The following DGKB variants were observed in gnomAD, a reference collection of about 807,000 sequenced individuals.
DGKB encodes diacylglycerol kinase beta.
DGKB carries 67 observed loss-of-function variants against 114.3 expected under a neutral mutation model. The observed-to-expected ratio is 0.59, with a 90% confidence interval of 0.48 to 0.72. The LOEUF (loss-of-function observed/expected upper bound fraction) is 0.72, where lower values mean the gene tolerates loss of function less well. DGKB is among the 30% of genes least tolerant of loss of function. The pLI, the probability that DGKB is intolerant of heterozygous loss-of-function variation, is 0.00. For synonymous variants in DGKB, 398 were observed against 323.1 expected (o/e 1.23, Z -2.49); for missense variants, 907 against 975.2 (o/e 0.93, Z 0.93).
chr7:14,487,283 A>C (rs1362253770), intron 20 of DGKB, among the ~76,000 whole-genome samples: 2 of 152,182 alleles, frequency 1.3e-5, no homozygotes, highest in African/African-American at 4.8e-5. Flanking sequence ...GCTTGATTTT[A>C]ATTTTCATGT....
At chr7:14,306,604 A>AAAT (rs1169234219) in intron 23 of DGKB, among the ~76,000 whole-genome samples, 1 of 151,984 alleles carries the variant, frequency 6.6e-6, no homozygotes, top group African/African-American at 2.4e-5. Context: ...TAGATAATTG[A>AAAT]AATAAAGTGT....
intron 21 of DGKB, among the ~76,000 whole-genome samples, chr7:14,405,116 A>G (rs188291021): frequency 1.5e-4 from 1 of 6,880 alleles, no homozygotes; most frequent in African/African-American, 3.6e-4. Context: ...CACATTTCAA[A>G]TTATTCTGCC....
At chr7:14,396,144 G>T (rs975295608) in intron 21 of DGKB, among the ~76,000 whole-genome samples, 1 of 151,864 alleles carries the variant, frequency 6.6e-6, no homozygotes, top group African/African-American at 2.4e-5. Context: ...TTATAGGTTA[G>T]GAATTAATAT....
chr7:14,876,106 G>A (rs761491452), intron 1 of DGKB, among the ~76,000 whole-genome samples: 1 of 152,140 alleles, frequency 6.6e-6, no homozygotes, highest in African/African-American at 2.4e-5. Context: ...CTAAAACAGG[G>A]CGGAGTGGAA....
intron 19 of DGKB, among the ~76,000 whole-genome samples, chr7:14,577,066 GATC>G (rs1193434400): frequency 6.6e-6 from 1 of 151,970 alleles, no homozygotes; most frequent in African/African-American, 2.4e-5. Flanking sequence ...TACCCAAGAA[GATC>G]ATGATTTTAA....
intron 1 of DGKB, among the ~76,000 whole-genome samples, chr7:14,857,258 T>TTGTGTGTGTGTGTGTGTG (rs140695633): frequency 0.076 from 10,463 of 138,264 alleles, 1,166 homozygotes; most frequent in African/African-American, 0.24. Flanking sequence ...CTGTGTGTGT[T>TTGTGTGTGTGTGTGTGTG]TGTGTGTGTG....
intron 1 of DGKB, among the ~76,000 whole-genome samples, chr7:14,895,300 T>C (rs1351105710): frequency 1.3e-5 from 2 of 151,534 alleles, no homozygotes; most frequent in Non-Finnish European, 3.0e-5. Context: ...GTCTTAAAAA[T>C]TGCTTCAGGT....
chr7:14,259,761 G>A (rs38283), intron 23 of DGKB, among the ~76,000 whole-genome samples: 67,594 of 149,052 alleles, frequency 0.45, 17,239 homozygotes, highest in East Asian at 0.94. Context: ...TTGTCATTGC[G>A]TTTGCCTTGT....
At chr7:14,681,449 G>C (rs1212939577) in intron 12 of DGKB, among the ~76,000 whole-genome samples, 2 of 151,854 alleles carry the variant, frequency 1.3e-5, no homozygotes, top group African/African-American at 4.8e-5. Context: ...GTGTGTATGT[G>C]TGTGTGTGAG....
At chr7:14,488,142 T>C (rs562627251) in intron 20 of DGKB, among the ~76,000 whole-genome samples, 53 of 152,154 alleles carry the variant, frequency 3.5e-4, no homozygotes, top group African/African-American at 1.3e-3. Context: ...TTCTCTAGGT[T>C]ACAAATATTT....
chr7:14,443,212 G>T (rs1830304444), intron 21 of DGKB, among the ~76,000 whole-genome samples: 1 of 151,824 alleles, frequency 6.6e-6, no homozygotes, highest in Non-Finnish European at 1.5e-5. Context: ...CCTTTTACCG[G>T]TTTGGAAGAA....
intron 23 of DGKB, among the ~76,000 whole-genome samples, chr7:14,333,679 A>G (rs1375138745): frequency 6.6e-6 from 1 of 152,164 alleles, no homozygotes; most frequent in Non-Finnish European, 1.5e-5. Context: ...CACTACCAAA[A>G]ACTGGAATAG....
At chr7:14,279,707 C>A (rs1199805680) in intron 23 of DGKB, among the ~76,000 whole-genome samples, 1 of 151,962 alleles carries the variant, frequency 6.6e-6, no homozygotes, top group African/African-American at 2.4e-5. Context: ...CACCCCTGAC[C>A]CCCGAGCAGC....
At chr7:14,859,321 T>C (rs1287861513) in intron 1 of DGKB, among the ~76,000 whole-genome samples, 1 of 152,110 alleles carries the variant, frequency 6.6e-6, no homozygotes, top group Non-Finnish European at 1.5e-5. Flanking sequence ...GAGGCTCCTT[T>C]GTCAGTCTCA....
At chr7:14,162,657 A>G (rs1418660854) in intron 25 of DGKB, among the ~76,000 whole-genome samples, 1 of 152,242 alleles carries the variant, frequency 6.6e-6, no homozygotes, top group Non-Finnish European at 1.5e-5. Flanking sequence ...AGGTTTCAAA[A>G]TAAAGAATAA....
intron 8 of DGKB, among the ~76,000 whole-genome samples, chr7:14,697,661 A>T (rs981737370): frequency 6.6e-6 from 1 of 151,408 alleles, no homozygotes; most frequent in Non-Finnish European, 1.5e-5. Flanking sequence ...CAAGAGAAAA[A>T]AAAAGAAAAA....
intron 10 of DGKB, among the ~76,000 whole-genome samples, 166 bp downstream of exon 10, chr7:14,685,079 T>C (rs1374478295): frequency 1.3e-5 from 2 of 152,088 alleles, no homozygotes; most frequent in African/African-American, 2.4e-5. Flanking sequence ...CTGAAGAAAT[T>C]AGAGTAACCT....
At chr7:14,666,579 C>T (rs889910320) in intron 13 of DGKB, among the ~76,000 whole-genome samples, 2 of 151,888 alleles carry the variant, frequency 1.3e-5, no homozygotes, top group African/African-American at 4.8e-5. Context: ...TTTTGACAAT[C>T]AGTTGGGAAG....
At chr7:14,815,163 G>A (rs1409460695) in intron 2 of DGKB, 2 of 152,094 alleles carry the variant, frequency 1.3e-5, no homozygotes, top group African/African-American at 2.4e-5. Context: ...CATCTTTATA[G>A]TGGCTGCTTA....
Sources: allele counts gnomAD v4.1 joint callset (sites outside exome capture counted in the v4.1 genomes callset), GRCh38; gene constraint gnomAD v4.1.1; transcripts MANE v1.5; gene names NCBI Gene and HGNC (gene_info 2026-07-23, HGNC 2026-07-21).